Variants in SCG3 observed in about 807,000 individuals in gnomAD.
SCG3 encodes secretogranin III.
Under a neutral mutation model 56.2 loss-of-function variants are expected in SCG3, and 38 were observed. The ratio of observed to expected loss-of-function variants is 0.68; its 90% CI spans 0.52 to 0.89. The LOEUF (loss-of-function observed/expected upper bound fraction) is 0.89. Ranked by LOEUF, SCG3 falls within the 40% of genes least tolerant of loss-of-function variation. The pLI, the probability that SCG3 is intolerant of heterozygous loss-of-function variation, is 0.00. For missense variants in SCG3, 524 were observed against 540.7 expected (o/e 0.97, Z 0.31); for synonymous variants, 176 against 184.2 (o/e 0.96, Z 0.36).
At chr15:51,692,458 G>A in intron 7 of SCG3, 122 bp downstream of exon 7, 1 of 872,426 alleles carries the variant, frequency 1.1e-6, no homozygotes, top group Non-Finnish European at 1.7e-6. Context: ...TACACTGTGG[G>A]CTTGGGGAAA....
At chr15:51,692,070 T>C (rs1045550151) in intron 6 of SCG3, 89 bp from the exon 7 acceptor site, 49 of 1,275,116 alleles carry the variant, frequency 3.8e-5, no homozygotes, top group Non-Finnish European at 4.7e-5. Flanking sequence ...GCACTTCACA[T>C]TTAAGGGCAT....
chr15:51,704,678 C>T (rs1015380677), intron 10 of SCG3, among the ~76,000 whole-genome samples: 1 of 148,342 alleles, frequency 6.7e-6, no homozygotes, highest in Non-Finnish European at 1.5e-5. Context: ...AAGAAATACT[C>T]CATTGTATGT....
chr15:51,719,391 CTAA>C lies in SCG3; in HGVS notation c.1289-11_1289-9del, dbSNP rs2055480980. 2 of 1,573,546 alleles carry C rather than the reference CTAA, an allele frequency of 1.3e-6. No individual in the cohort carries two copies. The highest frequency in any genetic ancestry group is 2.2e-5 in the South Asian group (2 of 89,848). ...TTTCCTGATCTTTGCTCATTATGCT[CTAA>C]TAATATTTTCCAGATTATGACCTTT... is the stretch of plus-strand genomic sequence containing the variant. On this transcript the variant is annotated splice_polypyrimidine_tract_variant and intron_variant, in intron 11 of 11. Transcript: ENST00000220478.
At chr15:51,695,762 GAAAA>G (rs370571693) in intron 7 of SCG3, 109 bp from the exon 8 acceptor site, 1 of 535,396 alleles carries the variant, frequency 1.9e-6, no homozygotes, top group Non-Finnish European at 3.2e-6. Context: ...CCTCGTCTTT[GAAAA>G]AAAAAAAAAA....
At position 51,684,857 on chromosome 15, in the gene SCG3, T is replaced by TATGA. The variant is rs570433124; in HGVS notation, c.397+1441_397+1444dup. On this transcript the variant is annotated intron_variant, in intron 4 of 11. Coordinates refer to ENST00000220478, the MANE Select transcript of SCG3 (RefSeq NM_013243.4). ...AGCCCATGAATTCATTGAATAAATT[T>TATGA]ATGAATGAATGAATGAATGAACAAA... Among the ~76,000 whole-genome samples, 622 of 152,320 alleles carry TATGA rather than the reference T, an allele frequency of 4.1e-3. 2 individuals are homozygous for TATGA. Among genetic ancestry groups the TATGA allele is most frequent in the South Asian group, 4.1e-3 (20 of 4,832 alleles).
At chr15:51,682,165 T>A (rs1299897743) in intron 1 of SCG3, among the ~76,000 whole-genome samples, 1 of 152,160 alleles carries the variant, frequency 6.6e-6, no homozygotes, top group Non-Finnish European at 1.5e-5. Context: ...ATATGCAGTA[T>A]ATGATGAAAG....
At position 51,720,574 on chromosome 15, in the gene SCG3, T is replaced by A. The variant is rs1377540185; in HGVS notation, c.*1048T>A. On this transcript the variant is annotated 3_prime_UTR_variant, in exon 12 of 12. Transcript: ENST00000220478. ...AATTAATTACATACATATTTTTCTATATATTTGTTTCAAACTGTAAAAATA... is the reference window on the plus strand; with the variant it reads ...AATTAATTACATACATATTTTTCTAAATATTTGTTTCAAACTGTAAAAATA... The A allele has an allele frequency of 6.6e-6, 1 of 152,234 alleles. No homozygotes were observed. Among genetic ancestry groups the A allele is most frequent in the Admixed American group, 6.5e-5 (1 of 15,290 alleles). 9.4% of individuals were successfully genotyped at this position (152,234 alleles called of 1,614,324 possible). A position where few individuals can be genotyped will look rare whatever the true frequency, so the allele number is the denominator to read the frequency against.
Position 51,689,258 on chromosome 15 carries a change from G to A in SCG3, c.580G>A (p.Ala194Thr), listed in dbSNP as rs985282299. The part of the protein sequence containing the change: ...SQAHTLEDEV[A>T]EVLQKLISKE... ...AGCACATACACTGGAAGATGAAGTA[G>A]CAGAGGTTTTACAAAAATTAATCTC... The change falls in exon 6 of 12, where the codon GCA (alanine) becomes ACA (threonine). Residue 194 changes from alanine to threonine, a missense_variant. Coordinates refer to ENST00000220478, the MANE Select transcript of SCG3 (RefSeq NM_013243.4). 6.2e-7 allele frequency: 1 copy of A among 1,614,000 alleles called. No homozygotes were observed. Among genetic ancestry groups the A allele is most frequent in the Non-Finnish European group, 8.5e-7 (1 of 1,179,936 alleles).
intron 7 of SCG3, among the ~76,000 whole-genome samples, chr15:51,692,900 G>C (rs2055277166): frequency 2.0e-5 from 3 of 151,582 alleles, no homozygotes; most frequent in African/African-American, 7.3e-5. Flanking sequence ...TGTGTGATGA[G>C]AACACTTAAG....
intron 10 of SCG3, among the ~76,000 whole-genome samples, chr15:51,704,016 G>A (rs1410767439): frequency 6.6e-6 from 1 of 151,596 alleles, no homozygotes; most frequent in Non-Finnish European, 1.5e-5. Flanking sequence ...TGTTGTGAAA[G>A]TTTATGATAT....
intron 10 of SCG3, among the ~76,000 whole-genome samples, chr15:51,701,946 G>A (rs993390780): frequency 2.0e-5 from 3 of 151,976 alleles, no homozygotes; most frequent in Admixed American, 6.6e-5. Context: ...GGGGTCGGGG[G>A]ATGGGGGAGG....
At chr15:51,712,063 T>A (rs2055424271) in intron 10 of SCG3, among the ~76,000 whole-genome samples, 1 of 152,234 alleles carries the variant, frequency 6.6e-6, no homozygotes, top group Non-Finnish European at 1.5e-5. Context: ...GTTAGTCATG[T>A]GATTATGACT....
Position 51,689,430 on chromosome 15 carries a change from T to TGC in SCG3, c.690+63_690+64insCG, listed in dbSNP as rs2055252610. The TGC allele has an allele frequency of 1.1e-5, 16 of 1,501,836 alleles. No individual in the cohort carries two copies. In the African/African-American group the frequency reaches 1.4e-4, roughly 13 times the overall value. The allele number at this position is 1,501,836 out of a possible 1,614,324, so 93.0% of individuals were successfully genotyped here. On this transcript the variant is annotated intron_variant, in intron 6 of 11. Coordinates refer to ENST00000220478, the MANE Select transcript of SCG3 (RefSeq NM_013243.4). ...GTGTGTGTGTGTGTGTGTGTGTGTG[T>TGC]GTACTTCTATCTGTATAATAATTGC...
At chr15:51,692,079 A>G in intron 6 of SCG3, 80 bp from the exon 7 acceptor site, 1 of 1,360,524 alleles carries the variant, frequency 7.4e-7, no homozygotes, top group Non-Finnish European at 1.0e-6. Flanking sequence ...ATTTAAGGGC[A>G]TCACAAAGGA....
intron 4 of SCG3, among the ~76,000 whole-genome samples, chr15:51,685,121 C>T (rs984005785): frequency 6.6e-5 from 10 of 152,104 alleles, no homozygotes; most frequent in African/African-American, 2.4e-4. Flanking sequence ...GTCACGTGTA[C>T]CTATGAAGTG....
intron 10 of SCG3, among the ~76,000 whole-genome samples, chr15:51,707,843 G>A (rs2055385981): frequency 6.6e-6 from 1 of 152,186 alleles, no homozygotes; most frequent in Non-Finnish European, 1.5e-5. Context: ...GTGCAATCAT[G>A]TAATCTTGAC....
intron 6 of SCG3, 21 bp downstream of exon 6, chr15:51,689,389 A>G: frequency 6.4e-7 from 1 of 1,573,040 alleles, no homozygotes; most frequent in Non-Finnish European, 8.7e-7. Flanking sequence ...GTATATATGC[A>G]TATGCATGGG....
chr15:51,689,145 G>A (rs62016038), intron 5 of SCG3, 74 bp from the exon 6 acceptor site: 24,179 of 1,477,488 alleles, frequency 0.016, 290 homozygotes, highest in Non-Finnish European at 0.017. Context: ...TTTGACTACA[G>A]TTTAGTCCAC....
Position 51,683,416 on chromosome 15 carries a change from T to A in SCG3, c.379T>A (p.Leu127Met). 1 of 1,600,014 alleles carries A rather than the reference T, an allele frequency of 6.2e-7. No individual in the cohort carries two copies. The highest frequency in any genetic ancestry group is 8.5e-7 in the Non-Finnish European group (1 of 1,175,310). ...IDDYDSTKSG[L>M]DHKFQDDPDG... ...TGATTATGACTCTACTAAGAGTGGATTGGATCATAAATTTCAAGGTAAATG... is the reference window on the plus strand; with the variant it reads ...TGATTATGACTCTACTAAGAGTGGAATGGATCATAAATTTCAAGGTAAATG... The change falls in exon 4 of 12, where the codon TTG becomes ATG. Residue 127 changes from leucine (L) to methionine (M), a missense_variant. By Grantham distance (15) the Leu-to-Met change is conservative (BLOSUM62 2). Transcript: ENST00000220478.
Sources: allele counts gnomAD v4.1 joint callset (sites outside exome capture counted in the v4.1 genomes callset), GRCh38; gene constraint gnomAD v4.1.1; transcripts MANE v1.5; gene names NCBI Gene and HGNC (gene_info 2026-07-23, HGNC 2026-07-21).